The following TTC6 variants were observed in gnomAD, a reference collection of about 807,000 sequenced individuals.
The protein encoded by TTC6 is tetratricopeptide repeat protein 6.
TTC6 carries 172 observed loss-of-function variants against 210.4 expected under a neutral mutation model. That is an observed-to-expected ratio of 0.82 (90% CI 0.72 to 0.93). The LOEUF (loss-of-function observed/expected upper bound fraction) is 0.93. Ranked by LOEUF, TTC6 falls within the 40% of genes least tolerant of loss-of-function variation. TTC6 has a pLI of 0.00. For synonymous variants in TTC6, 804 were observed against 819.6 expected, an observed-to-expected ratio of 0.98 and a Z score of 0.32; for missense variants, 2,414 against 2,318.1, an observed-to-expected ratio of 1.04 and a Z score of -0.85.
chr14:37,753,863 C>G (rs973761050), intron 14 of TTC6, among the ~76,000 whole-genome samples: 9 of 150,676 alleles, frequency 6.0e-5, no homozygotes, highest in African/African-American at 2.2e-4. Flanking sequence ...GTGCATTGTA[C>G]AGTTTTCATT....
intron 14 of TTC6, among the ~76,000 whole-genome samples, chr14:37,774,733 G>A (rs2096031760): frequency 1.3e-5 from 2 of 152,116 alleles, no homozygotes; most frequent in African/African-American, 4.8e-5. Context: ...TTTGACATCA[G>A]GATAATGCTG....
chr14:37,716,030 A>G (rs984493143), intron 6 of TTC6, among the ~76,000 whole-genome samples: 11 of 152,164 alleles, frequency 7.2e-5, no homozygotes, highest in East Asian at 3.9e-4. Context: ...AACAGAATAT[A>G]GAGGAAGTAT....
chr14:37,636,504 A>G (rs926088001), intron 1 of TTC6, among the ~76,000 whole-genome samples: 6 of 152,192 alleles, frequency 3.9e-5, no homozygotes, highest in African/African-American at 7.2e-5. Context: ...AAACTAAACA[A>G]TACAATTCTG....
intron 4 of TTC6, among the ~76,000 whole-genome samples, chr14:37,697,060 G>A (rs2095816254): frequency 1.3e-5 from 2 of 151,990 alleles, no homozygotes; most frequent in African/African-American, 4.8e-5. Flanking sequence ...TTACTTTCAT[G>A]ATGTAACAAT....
intron 29 of TTC6, among the ~76,000 whole-genome samples, chr14:37,830,211 A>G (rs192250635): frequency 6.6e-6 from 1 of 152,218 alleles, no homozygotes; most frequent in East Asian, 1.9e-4. Context: ...GTCAAGAAGC[A>G]TGATGCAAAA....
chr14:37,724,851 AG>A lies in TTC6; in HGVS notation c.1714-45del, dbSNP rs200953953. ...ACAGGAGATTGAGTTTTTACTCTCA[AG>A]GCCATTTCTTACCATTTCTAATAAC... On this transcript the variant is annotated intron_variant, in intron 6 of 30. Coordinates refer to ENST00000553443, the Ensembl canonical transcript of TTC6. 7.7e-4 allele frequency: 900 copies of A among 1,166,334 alleles called. 8 individuals carry two copies. The African/African-American group carries it at 0.012, about 16-fold the overall frequency. The allele number at this position is 1,166,334 out of a possible 1,614,324, so 72.2% of individuals were successfully genotyped here.
chr14:37,724,877 C>T, intron 6 of TTC6, 21 bp from the exon 9 acceptor site: 4 of 1,400,488 alleles, frequency 2.9e-6, no homozygotes, highest in Non-Finnish European at 3.8e-6. Flanking sequence ...TTTCTAATAA[C>T]CTTTTATGTT....
At chr14:37,740,157 C>T (rs1437979258) in intron 10 of TTC6, among the ~76,000 whole-genome samples, 6 of 58,096 alleles carry the variant, frequency 1.0e-4, no homozygotes, top group South Asian at 2.6e-3. Flanking sequence ...AGCGAGACTC[C>T]GTCTCAAAAA....
chr14:37,692,263 T>C lies in TTC6; in HGVS notation c.1258-4454T>C, dbSNP rs139144122. Among the ~76,000 whole-genome samples, 106 of 89,818 alleles carry C rather than the reference T, an allele frequency of 1.2e-3. 2 individuals carry two copies. The East Asian group carries it at 0.038, about 33-fold the overall frequency. The allele number at this position is 89,818 out of a possible 152,430, so 58.9% of individuals were successfully genotyped here. On this transcript the variant is annotated intron_variant, in intron 3 of 30. Coordinates refer to ENST00000553443, the Ensembl canonical transcript of TTC6. Reference sequence around the variant, plus strand: ...AAAGAAAAAGAAAACTACAGGCCAATATCCCTGATGAATATTGTTGGAAAA... The same window carrying C: ...AAAGAAAAAGAAAACTACAGGCCAACATCCCTGATGAATATTGTTGGAAAA...
At chr14:37,833,715 C>A (rs538615826) in intron 29 of TTC6, among the ~76,000 whole-genome samples, 1 of 152,102 alleles carries the variant, frequency 6.6e-6, no homozygotes, top group African/African-American at 2.4e-5. Context: ...TAAAATTTGG[C>A]AGCTTTCTAT....
intron 6 of TTC6, among the ~76,000 whole-genome samples, chr14:37,721,786 T>C (rs2095862151): frequency 6.7e-6 from 1 of 148,998 alleles, no homozygotes; most frequent in African/African-American, 2.5e-5. Flanking sequence ...TTTCCTTCTT[T>C]CTGGTGGGCA....
At chr14:37,745,170 G>A (rs913547005) in intron 10 of TTC6, among the ~76,000 whole-genome samples, 6 of 152,106 alleles carry the variant, frequency 3.9e-5, no homozygotes, top group East Asian at 3.9e-4. Context: ...AAGCATGTCA[G>A]GTCAACAGCT....
At chr14:37,599,297 A>C (rs1196718250) in intron 1 of TTC6, among the ~76,000 whole-genome samples, 2 of 152,054 alleles carry the variant, frequency 1.3e-5, no homozygotes, top group Non-Finnish European at 2.9e-5. Flanking sequence ...TTAAATCTTT[A>C]AGGGATTAAT....
upstream of TTC6, among the ~76,000 whole-genome samples, chr14:37,618,714 A>G (rs1468473240): frequency 1.3e-5 from 2 of 152,218 alleles, no homozygotes; most frequent in Non-Finnish European, 2.9e-5. Flanking sequence ...GCACAATAGA[A>G]GTTCCTGTTG....
intron 2 of TTC6, among the ~76,000 whole-genome samples, chr14:37,607,872 G>C (rs974001562): frequency 1.3e-5 from 2 of 152,260 alleles, no homozygotes; most frequent in South Asian, 4.1e-4. Context: ...GAGACATTTT[G>C]CTATATGATA....
chr14:37,758,203 G>A (rs150255339), intron 14 of TTC6, among the ~76,000 whole-genome samples: 55 of 152,246 alleles, frequency 3.6e-4, no homozygotes, highest in African/African-American at 1.2e-3. Context: ...GGTCCACTTG[G>A]CCCAGAGCTG....
At chr14:37,804,292 C>T (rs1414557898) in intron 20 of TTC6, among the ~76,000 whole-genome samples, 1 of 151,922 alleles carries the variant, frequency 6.6e-6, no homozygotes, top group East Asian at 1.9e-4. Flanking sequence ...CTTTTACTAC[C>T]TAGTAGCTTC....
At chr14:37,731,782 T>C (rs1375161516) in intron 7 of TTC6, among the ~76,000 whole-genome samples, 1 of 152,216 alleles carries the variant, frequency 6.6e-6, no homozygotes, top group African/African-American at 2.4e-5. Flanking sequence ...AACCTTTCTG[T>C]ATTCTTATAT....
chr14:37,663,690 G>A (rs1446143232), intron 1 of TTC6, among the ~76,000 whole-genome samples: 1 of 152,056 alleles, frequency 6.6e-6, no homozygotes. Flanking sequence ...TATGATGAAA[G>A]TTAGTATGAG....
Sources: gnomAD v4.1 joint callset for allele counts (sites outside exome capture counted in the v4.1 genomes callset) on GRCh38, gnomAD v4.1.1 for gene constraint, MANE v1.5 for transcripts, NCBI Gene and HGNC (gene_info 2026-07-23, HGNC 2026-07-21) for gene names.